Variants in WDR74 observed in about 807,000 individuals in gnomAD.
The protein encoded by WDR74 is WD repeat domain 74.
Under a neutral mutation model 45.6 loss-of-function variants are expected in WDR74, and 31 were observed. The observed-to-expected ratio is 0.68, with a 90% CI of 0.51 to 0.92. The LOEUF is 0.92. WDR74 is among the 40% of genes least tolerant of loss of function. The pLI, the probability that WDR74 is intolerant of heterozygous loss-of-function variation, is 0.00. For synonymous variants in WDR74, 191 were observed against 192.4 expected, an observed-to-expected ratio of 0.99 and a Z score of 0.06; for missense variants, 455 against 497.2, an observed-to-expected ratio of 0.92 and a Z score of 0.81.
At chr11:62,833,206 G>C (rs1024482820) in intron 10 of WDR74, 75 bp from the exon 11 acceptor site, 30 of 1,478,090 alleles carry the variant, frequency 2.0e-5, no homozygotes, top group Non-Finnish European at 2.7e-5. Context: ...TCAGCACTTT[G>C]GGAGACCAAG....
At chr11:62,838,745 CG>C (rs2084996778) in intron 3 of WDR74, among the ~76,000 whole-genome samples, 1 of 145,398 alleles carries the variant, frequency 6.9e-6, no homozygotes. Context: ...GCAACAAGAG[CG>C]AAAACTCCGT....
At chr11:62,838,245 C>T (rs571296127) in intron 3 of WDR74, among the ~76,000 whole-genome samples, 2 of 152,188 alleles carry the variant, frequency 1.3e-5, no homozygotes, top group East Asian at 2.0e-4. Context: ...CTCTGCGGGA[C>T]GGATTCAAGC....
chr11:62,837,030 C>A (rs2084969259), intron 3 of WDR74, among the ~76,000 whole-genome samples: 1 of 151,706 alleles, frequency 6.6e-6, no homozygotes, highest in Non-Finnish European at 1.5e-5. Context: ...GAGCCGAGAT[C>A]ATGCCACTGC....
upstream of WDR74, chr11:62,841,444 C>T (rs548497186): frequency 9.8e-5 from 15 of 152,350 alleles, no homozygotes; most frequent in African/African-American, 2.9e-4. Flanking sequence ...ATACTACGCT[C>T]CGTGCTCAGT....
rs2084959226 is a variant in WDR74 at position 62,836,312 on chromosome 11, G to A, written c.294-276C>T. ...TCAACAGGGTGAGGGTTTACCAAGT[G>A]AGGAAATAGAAGCGCTGAGAAACTA... On this transcript the variant is annotated intron_variant, in intron 3 of 10. Coordinates refer to ENST00000278856, the MANE Select transcript of WDR74 (RefSeq NM_001369450.1). 1.5e-5 allele frequency: 6 copies of A among 395,150 alleles called. No homozygotes were observed. In the South Asian group the frequency reaches 1.6e-4, roughly 11 times the overall value. The allele number at this position is 395,150 out of a possible 1,614,324, so 24.5% of individuals were successfully genotyped here. A position where few individuals can be genotyped will look rare whatever the true frequency, so the allele number is the denominator to read the frequency against.
At chr11:62,837,624 C>A (rs999253953) in intron 3 of WDR74, among the ~76,000 whole-genome samples, 5 of 152,082 alleles carry the variant, frequency 3.3e-5, no homozygotes. Context: ...CAGGCAGTAC[C>A]CTCTTTCTAG....
intron 10 of WDR74, 62 bp from the exon 11 acceptor site, chr11:62,833,193 A>C: frequency 6.4e-7 from 1 of 1,550,388 alleles, no homozygotes; most frequent in Non-Finnish European, 8.8e-7. Flanking sequence ...CCCACCTGTA[A>C]TCTCAGCACT....
intron 6 of WDR74, chr11:62,834,739 C>A: frequency 1.8e-6 from 1 of 552,572 alleles, no homozygotes; most frequent in Non-Finnish European, 3.2e-6. Flanking sequence ...GGGGAGAGGT[C>A]CCCTAGGTTG....
upstream of WDR74, chr11:62,839,707 CT>C: frequency 1.8e-6 from 2 of 1,142,216 alleles, no homozygotes; most frequent in Non-Finnish European, 2.4e-6. Flanking sequence ...GCTTGTTTTG[CT>C]TTACGAAAAT....
Position 62,834,275 on chromosome 11 carries a change from C to T in WDR74, c.775+1G>A, listed in dbSNP as rs201026374. ...CCCCCAATGTACCCTAGTCCACTCA[C>T]CTTGCCGAAGGTCAATTTCTGCCAG... is the stretch of plus-strand genomic sequence containing the variant. On this transcript the variant is annotated splice_donor_variant, in intron 8 of 10. Coordinates refer to ENST00000278856, the MANE Select transcript of WDR74 (RefSeq NM_001369450.1). LOFTEE classifies it high-confidence loss of function. 4 of 1,613,844 alleles carry T rather than the reference C, an allele frequency of 2.5e-6. No individual in the cohort carries two copies. The highest frequency in any genetic ancestry group is 3.4e-6 in the Non-Finnish European group (4 of 1,179,898).
intron 10 of WDR74, 179 bp downstream of exon 10, chr11:62,833,439 T>C (rs2084906661): frequency 1.3e-6 from 1 of 771,516 alleles, no homozygotes; most frequent in African/African-American, 1.8e-5. Flanking sequence ...ACCCCATCCA[T>C]GCTGTTGGCA....
chr11:62,841,733 G>T (rs927306340), upstream of WDR74: 2 of 152,128 alleles, frequency 1.3e-5, no homozygotes, highest in Admixed American at 6.5e-5. Context: ...ATTGTCCTCG[G>T]ATAGAGGACG....
At chr11:62,841,617 A>C (rs1048111331), upstream of WDR74, 7 of 152,342 alleles carry the variant, frequency 4.6e-5, no homozygotes, top group African/African-American at 1.2e-4. Flanking sequence ...CTCTCCCCGA[A>C]GGGAGAGTGC....
intron 3 of WDR74, among the ~76,000 whole-genome samples, chr11:62,838,480 C>T (rs2084991697): frequency 6.6e-6 from 1 of 151,782 alleles, no homozygotes; most frequent in Non-Finnish European, 1.5e-5. Context: ...AAATGACAAG[C>T]AGGCACAGTG....
intron 3 of WDR74, among the ~76,000 whole-genome samples, chr11:62,838,532 G>A (rs1309876924): frequency 9.2e-5 from 14 of 151,712 alleles, no homozygotes; most frequent in African/African-American, 3.4e-4. Context: ...TCCGAGGCAG[G>A]TGGATCACCT....
chr11:62,841,219 A>T (rs2085040649), upstream of WDR74, among the ~76,000 whole-genome samples: 1 of 152,210 alleles, frequency 6.6e-6, no homozygotes. Flanking sequence ...CGGGAGGCTG[A>T]TGCAGGAGAA....
In WDR74 at chr11:62,834,379, G is replaced by A. The variant is rs184500231; in HGVS notation, c.719+48C>T. The A allele has an allele frequency of 1.9e-5, 30 of 1,612,378 alleles. No individual in the cohort carries two copies. In the East Asian group the frequency reaches 6.5e-4, roughly 35 times the overall value. Reference sequence around the variant, plus strand: ...GTGGGATCAGCAGTAACCTCCTGGAGCCCTTCTCAAGCCCCACCCTCCCAC... The same window carrying A: ...GTGGGATCAGCAGTAACCTCCTGGAACCCTTCTCAAGCCCCACCCTCCCAC... On this transcript the variant is annotated intron_variant, in intron 7 of 10. Transcript: ENST00000278856.
rs779748949 is a variant in WDR74, at chr11:62,833,582, C to A, written c.978+36G>T. On this transcript the variant is annotated intron_variant, in intron 10 of 10. Transcript: ENST00000278856. The stretch of plus-strand genomic sequence containing the variant: ...CCATAGGGAGGTCCTCACATCTATG[C>A]CCTTGGCTCCCACATTCCCGGGCCC... 153 of 1,551,124 alleles carry A rather than the reference C, an allele frequency of 9.9e-5. No homozygotes were observed. The Middle Eastern group carries it at 1.0e-3, about 11-fold the overall frequency.
rs1420115103 is a variant in WDR74, at chr11:62,839,249, G to A, written c.172-14C>T. 1.2e-6 allele frequency: 2 copies of A among 1,613,280 alleles called. No individual in the cohort carries two copies. Among genetic ancestry groups the A allele is most frequent in the African/African-American group, 1.3e-5 (1 of 75,062 alleles). The stretch of plus-strand genomic sequence containing the variant: ...GCCCACCAGCATCTGCGGCAAAGAA[G>A]GGCAAGATGGCGAGGAGAGCGAGGC... On this transcript the variant is annotated splice_polypyrimidine_tract_variant and intron_variant, in intron 2 of 10. Transcript: ENST00000278856.
Sources: allele counts gnomAD v4.1 joint callset (sites outside exome capture counted in the v4.1 genomes callset), GRCh38; gene constraint gnomAD v4.1.1; transcripts MANE v1.5; gene names NCBI Gene and HGNC (gene_info 2026-07-23, HGNC 2026-07-21).